EZH2: variants seen among roughly 807,000 people sequenced by gnomAD.
EZH2 encodes the protein enhancer of zeste 2 polycomb repressive complex 2 subunit.
Under a neutral mutation model 98.4 loss-of-function variants are expected in EZH2, and 18 were observed. The observed-to-expected ratio is 0.18, with a 90% CI of 0.13 to 0.27. EZH2 has a LOEUF of 0.27. Among genes scored for constraint, EZH2 ranks in the 10% least tolerant of loss-of-function variants. The pLI is 1.00. For missense variants in EZH2, 470 were observed against 935.1 expected, an observed-to-expected ratio of 0.50 and a Z score of 6.49; for synonymous variants, 338 against 312.3, an observed-to-expected ratio of 1.08 and a Z score of -0.87.
chr7:148,872,984 T>C (rs1246538349), intron 1 of EZH2, among the ~76,000 whole-genome samples: 1 of 152,058 alleles, frequency 6.6e-6, no homozygotes, highest in Non-Finnish European at 1.5e-5. Flanking sequence ...CAGGCCACCC[T>C]GGGCAACATA....
intron 9 of EZH2, 76 bp downstream of exon 9, chr7:148,819,520 C>T: frequency 8.5e-7 from 1 of 1,181,308 alleles, no homozygotes; most frequent in Non-Finnish European, 1.3e-6. Flanking sequence ...ACAACATTAA[C>T]GCTGACTTGA....
At chr7:148,826,932 A>G (rs1406360857) in intron 7 of EZH2, among the ~76,000 whole-genome samples, 1 of 152,136 alleles carries the variant, frequency 6.6e-6, no homozygotes, top group Non-Finnish European at 1.5e-5. Flanking sequence ...AATTTTATGT[A>G]TATGTGTGTG....
At chr7:148,814,262 T>C in intron 14 of EZH2, 125 bp from the exon 15 acceptor site, 1 of 763,330 alleles carries the variant, frequency 1.3e-6, no homozygotes, top group Non-Finnish European at 2.1e-6. Flanking sequence ...CTTATTACCC[T>C]ACTATATAGA....
chr7:148,822,289 C>G, intron 8 of EZH2, among the ~76,000 whole-genome samples: 1 of 144,802 alleles, frequency 6.9e-6, no homozygotes, highest in East Asian at 2.0e-4. Context: ...GCGGGCAGAT[C>G]ACTTGAGGTC....
At chr7:148,825,956 C>CA (rs1214890903) in intron 8 of EZH2, among the ~76,000 whole-genome samples, 4 of 152,052 alleles carry the variant, frequency 2.6e-5, no homozygotes, top group Non-Finnish European at 5.9e-5. Flanking sequence ...CTTACATTTT[C>CA]ACTAAGAACA....
intron 1 of EZH2, among the ~76,000 whole-genome samples, chr7:148,873,557 ATTTTTTT>A (rs58553084): frequency 0.011 from 842 of 79,950 alleles, 5 homozygotes; most frequent in East Asian, 0.055. Flanking sequence ...CATGCTCTTC[ATTTTTTT>A]TTTTTTTTTT....
chr7:148,855,130 G>A (rs1816598268), intron 1 of EZH2, among the ~76,000 whole-genome samples: 1 of 152,238 alleles, frequency 6.6e-6, no homozygotes, highest in Non-Finnish European at 1.5e-5. Flanking sequence ...AGATGGCAAG[G>A]AGAGTTCATC....
At chr7:148,873,551 CTCT>C (rs531826843) in intron 1 of EZH2, among the ~76,000 whole-genome samples, 359 of 133,068 alleles carry the variant, frequency 2.7e-3, no homozygotes, top group Non-Finnish European at 4.1e-3. Context: ...TCATTTCATG[CTCT>C]TCATTTTTTT....
chr7:148,815,100 A>T, intron 13 of EZH2, 61 bp from the exon 14 acceptor site: 1 of 1,576,328 alleles, frequency 6.3e-7, no homozygotes, highest in Non-Finnish European at 8.6e-7. Flanking sequence ...GATCATACAC[A>T]ATTAACACGA....
intron 6 of EZH2, 91 bp downstream of exon 6, chr7:148,828,649 G>A: frequency 6.9e-7 from 1 of 1,439,314 alleles, no homozygotes; most frequent in Non-Finnish European, 9.4e-7. Flanking sequence ...AAGAAAAAGA[G>A]AAAGAAGAAA....
chr7:148,817,820 T>C (rs1804980043), intron 10 of EZH2, 57 bp downstream of exon 10: 4 of 1,611,658 alleles, frequency 2.5e-6, no homozygotes, highest in Non-Finnish European at 2.5e-6. Flanking sequence ...ACATCCTTAA[T>C]CCTCACAACA....
At chr7:148,833,050 C>A (rs1442118690) in intron 3 of EZH2, among the ~76,000 whole-genome samples, 1 of 152,204 alleles carries the variant, frequency 6.6e-6, no homozygotes, top group Non-Finnish European at 1.5e-5. Flanking sequence ...TTAACTCCTC[C>A]ATGCTTTTCC....
intron 8 of EZH2, among the ~76,000 whole-genome samples, chr7:148,821,948 T>C (rs1377911730): frequency 2.0e-5 from 3 of 152,120 alleles, no homozygotes; most frequent in Admixed American, 2.0e-4. Flanking sequence ...AGGAACACAA[T>C]GTTGAGAAAC....
Position 148,817,916 on chromosome 7 carries a change from CTTT to C in EZH2, c.1198_1200del (p.Lys400del), listed in dbSNP as rs780357774. 13 of 1,614,056 alleles carry C rather than the reference CTTT, an allele frequency of 8.1e-6. No homozygotes were observed. Among genetic ancestry groups the C allele is most frequent in the South Asian group, 4.4e-5 (4 of 91,092 alleles). ...GTTTCATCTTTCTTCTCTTCTTCTTCTTTATCATTGTTCTCTCCCCCCGTTTCA... is the reference window on the plus strand; with the variant it reads ...GTTTCATCTTTCTTCTCTTCTTCTTCATCATTGTTCTCTCCCCCCGTTTCA... On this transcript the variant is annotated inframe_deletion, in exon 10 of 20. Coordinates refer to ENST00000320356, the MANE Select transcript of EZH2 (RefSeq NM_004456.5).
At position 148,828,799 on chromosome 7, in the gene EZH2, T is replaced by C. The variant is rs867587253; in HGVS notation, c.566A>G (p.Asp189Gly). Residue 189 changes from aspartate (D) to glycine (G), a missense_variant, in exon 6 of 20, where the codon GAT becomes GGT. Physicochemically the swap from Asp to Gly is moderately conservative, Grantham distance 94. This residue lies in a region of EZH2 where 69 missense variants were observed against 78.3 expected (regional missense o/e 0.88). Coordinates refer to ENST00000320356, the MANE Select transcript of EZH2 (RefSeq NM_004456.5). The stretch of plus-strand genomic sequence containing the variant: ...TTCTCTTTCTTCAGGATCGTCTCCA[T>C]CATCATCATCGTCATCATCATTATA... Reference protein sequence around the residue: ...GQYNDDDDDDDGDDPEEREEK... With the variant: ...GQYNDDDDDDGGDDPEEREEK... 1 of 1,612,976 alleles carries C rather than the reference T, an allele frequency of 6.2e-7. No homozygotes were observed. Among genetic ancestry groups the C allele is most frequent in the Non-Finnish European group, 8.5e-7 (1 of 1,179,416 alleles).
At position 148,853,479 on chromosome 7, in the gene EZH2, T is replaced by C. The variant is rs114194146; in HGVS notation, c.-7-6174A>G. ...GATCCCTCACGTGTGCAGCTTACAA[T>C]AGGGTTCACGCTTCCGTGAGAATCT... On this transcript the variant is annotated intron_variant, in intron 1 of 19. Coordinates refer to ENST00000320356, the MANE Select transcript of EZH2 (RefSeq NM_004456.5). 6.4e-3 allele frequency among the ~76,000 whole-genome samples: 969 copies of C among 152,066 alleles called. 8 individuals carry two copies. The highest frequency in any genetic ancestry group is 0.022 in the African/African-American group (932 of 41,476).
intron 1 of EZH2, among the ~76,000 whole-genome samples, chr7:148,847,601 C>A (rs570905440): frequency 6.6e-6 from 1 of 152,138 alleles, no homozygotes; most frequent in African/African-American, 2.4e-5. Context: ...TATATCACAA[C>A]CTAGTTTTCA....
At chr7:148,835,873 T>C (rs1270330388) in intron 3 of EZH2, among the ~76,000 whole-genome samples, 1 of 152,188 alleles carries the variant, frequency 6.6e-6, no homozygotes, top group Non-Finnish European at 1.5e-5. Context: ...ATGGTTGCTC[T>C]AGTGATACAG....
intron 1 of EZH2, among the ~76,000 whole-genome samples, chr7:148,871,303 A>G (rs1393646945): frequency 1.3e-5 from 2 of 152,014 alleles, no homozygotes; most frequent in Non-Finnish European, 2.9e-5. Context: ...CAAAACATTA[A>G]AATAGAACTA....
Sources: gnomAD v4.1 joint callset for allele counts (sites outside exome capture counted in the v4.1 genomes callset) on GRCh38, gnomAD v4.1.1 for gene constraint, gnomAD v4.1.1 regional missense constraint, MANE v1.5 for transcripts, NCBI Gene and HGNC (gene_info 2026-07-23, HGNC 2026-07-21) for gene names.